The following RBFOX1 variants were observed in gnomAD, a reference collection of about 807,000 sequenced individuals.
The protein encoded by RBFOX1 is RNA binding protein fox-1 homolog 1.
Under a neutral mutation model 57.7 loss-of-function variants are expected in RBFOX1, and 8 were observed. That is an observed-to-expected ratio of 0.14 (90% CI 0.08 to 0.25). The LOEUF is 0.25. Ranked by LOEUF, RBFOX1 falls within the 10% of genes least tolerant of loss-of-function variation. The pLI is 1.00. For missense variants in RBFOX1, 611 were observed against 548.5 expected, an observed-to-expected ratio of 1.11 and a Z score of -1.14; for synonymous variants, 326 against 222.4, an observed-to-expected ratio of 1.47 and a Z score of -4.15.
chr16:7,384,994 G>A (rs1214988647), intron 4 of RBFOX1, among the ~76,000 whole-genome samples: 1 of 152,126 alleles, frequency 6.6e-6, no homozygotes, highest in East Asian at 1.9e-4. Context: ...AGCTCGCAAT[G>A]GCAAATCATG....
At chr16:5,260,238 T>C (rs542488814) in intron 1 of RBFOX1, among the ~76,000 whole-genome samples, 20 of 152,188 alleles carry the variant, frequency 1.3e-4, no homozygotes, top group African/African-American at 4.1e-4. Flanking sequence ...ATGAAGGACA[T>C]TGGTGACATA....
chr16:7,188,148 TG>T (rs1327891048), intron 4 of RBFOX1, among the ~76,000 whole-genome samples: 1 of 152,222 alleles, frequency 6.6e-6, no homozygotes, highest in African/African-American at 2.4e-5. Flanking sequence ...CAGCAAGAGG[TG>T]TATTATCTAA....
intron 2 of RBFOX1, among the ~76,000 whole-genome samples, chr16:6,502,568 T>C (rs1047393630): frequency 3.9e-5 from 6 of 152,142 alleles, no homozygotes; most frequent in African/African-American, 1.2e-4. Context: ...GAGATTTTAG[T>C]AATTATTAAC....
At chr16:6,834,392 T>C (rs1209139978) in intron 3 of RBFOX1, among the ~76,000 whole-genome samples, 1 of 152,130 alleles carries the variant, frequency 6.6e-6, no homozygotes, top group Non-Finnish European at 1.5e-5. Context: ...CCAAAAAATA[T>C]TTTAATAAGA....
At chr16:6,086,488 G>A (rs115240938) in intron 1 of RBFOX1, among the ~76,000 whole-genome samples, 2,618 of 116,858 alleles carry the variant, frequency 0.022, 64 homozygotes, top group African/African-American at 0.065. Flanking sequence ...CAGCATCCCC[G>A]TTCATTGAGG....
At chr16:7,364,613 AG>A (rs2097401943) in intron 4 of RBFOX1, among the ~76,000 whole-genome samples, 1 of 151,420 alleles carries the variant, frequency 6.6e-6, no homozygotes, top group East Asian at 1.9e-4. Flanking sequence ...CTTGGATCCC[AG>A]AAGAGAATTA....
chr16:6,783,665 T>C (rs905384775), intron 3 of RBFOX1, among the ~76,000 whole-genome samples: 1 of 152,128 alleles, frequency 6.6e-6, no homozygotes. Flanking sequence ...GTACTAAAGA[T>C]ATGAGGGCTT....
At chr16:5,500,275 T>C (rs1022860442) in intron 2 of RBFOX1, among the ~76,000 whole-genome samples, 1 of 147,792 alleles carries the variant, frequency 6.8e-6, no homozygotes. Context: ...CAGGCCGGAA[T>C]GCAGTGGCAC....
At chr16:7,623,548 G>T (rs1236023933) in intron 10 of RBFOX1, among the ~76,000 whole-genome samples, 1 of 152,080 alleles carries the variant, frequency 6.6e-6, no homozygotes, top group Non-Finnish European at 1.5e-5. Context: ...TATCTGACAG[G>T]AGGTGGAGCT....
intron 3 of RBFOX1, among the ~76,000 whole-genome samples, chr16:6,910,805 T>C (rs906271544): frequency 6.6e-6 from 1 of 152,318 alleles, no homozygotes; most frequent in East Asian, 1.9e-4. Context: ...GAAGGTTGTT[T>C]CCTTTTCAGT....
chr16:5,360,578 C>G (rs1033306119), intron 1 of RBFOX1, among the ~76,000 whole-genome samples: 4 of 152,120 alleles, frequency 2.6e-5, no homozygotes, highest in Admixed American at 2.0e-4. Flanking sequence ...AGGGAAAGAT[C>G]TGGATGTGTA....
intron 3 of RBFOX1, among the ~76,000 whole-genome samples, chr16:6,917,185 T>A (rs954550028): frequency 6.6e-6 from 1 of 152,148 alleles, no homozygotes; most frequent in South Asian, 2.1e-4. Context: ...AGACTGAGTT[T>A]CTGTTCTTAA....
chr16:7,079,632 G>A lies in RBFOX1; in HGVS notation c.27+27534G>A, dbSNP rs62014092. Among the ~76,000 whole-genome samples the A allele has an allele frequency of 6.2e-3, 942 of 152,170 alleles. 2 individuals are homozygous for A. Among genetic ancestry groups the A allele is most frequent in the Non-Finnish European group, 9.8e-3 (666 of 68,006 alleles). The stretch of plus-strand genomic sequence containing the variant: ...ATAAGTACCTCATAAAGCCTTTTGC[G>A]TTATGATGGAGAGACAGCCAGGAAG... On this transcript the variant is annotated intron_variant, in intron 4 of 15. Transcript: ENST00000550418.
intron 3 of RBFOX1, among the ~76,000 whole-genome samples, chr16:6,659,684 G>T (rs541086837): frequency 8.5e-5 from 13 of 152,088 alleles, no homozygotes; most frequent in Admixed American, 6.6e-4. Context: ...TTCAATATGG[G>T]GCAGGCTTTC....
At chr16:5,482,605 G>C (rs2069583877) in intron 2 of RBFOX1, among the ~76,000 whole-genome samples, 1 of 152,160 alleles carries the variant, frequency 6.6e-6, no homozygotes, top group African/African-American at 2.4e-5. Flanking sequence ...GTTTACATAG[G>C]TTCTGAGGCC....
At position 7,118,012 on chromosome 16, in the gene RBFOX1, A is replaced by G. The variant is rs565366305; in HGVS notation, c.27+65914A>G. Among the ~76,000 whole-genome samples, 2 of 152,200 alleles carry G rather than the reference A, an allele frequency of 1.3e-5. 1 individual carries two copies. The highest frequency in any genetic ancestry group is 4.1e-4 in the South Asian group (2 of 4,832). On this transcript the variant is annotated intron_variant, in intron 4 of 15. Transcript: ENST00000550418. ...CTTAGGTTGATTTCCTCTCTTTGCA[A>G]TTGTGAATTGTGCTGCATTAAGCAT...
intron 4 of RBFOX1, among the ~76,000 whole-genome samples, chr16:7,431,510 G>A (rs1050563966): frequency 6.6e-6 from 1 of 152,130 alleles, no homozygotes; most frequent in African/African-American, 2.4e-5. Context: ...CAAAGTGTGG[G>A]ATTATGGGCG....
At chr16:6,959,469 G>C (rs1322136851) in intron 3 of RBFOX1, among the ~76,000 whole-genome samples, 1 of 152,084 alleles carries the variant, frequency 6.6e-6, no homozygotes, top group Non-Finnish European at 1.5e-5. Flanking sequence ...CTTGTTTCTA[G>C]GCCTGATCTC....
At chr16:5,951,304 CG>C (rs1567182542) in intron 4 of RBFOX1, among the ~76,000 whole-genome samples, 1 of 151,926 alleles carries the variant, frequency 6.6e-6, no homozygotes, top group East Asian at 1.9e-4. Context: ...AAAAATTACC[CG>C]GGTGTGGTGG....
Sources: gnomAD v4.1 joint callset for allele counts (sites outside exome capture counted in the v4.1 genomes callset) on GRCh38, gnomAD v4.1.1 for gene constraint, MANE v1.5 for transcripts, NCBI Gene and HGNC (gene_info 2026-07-23, HGNC 2026-07-21) for gene names.